Variants in ZNF215 observed in about 807,000 individuals in gnomAD.
The protein encoded by ZNF215 is zinc finger protein 215.
ZNF215 carries 24 observed loss-of-function variants against 27.2 expected under a neutral mutation model. The observed-to-expected ratio is 0.88, with a 90% confidence interval of 0.64 to 1.24. The LOEUF is 1.24. ZNF215 is among the 50% of genes most tolerant of loss of function. The pLI, the probability that ZNF215 is intolerant of heterozygous loss-of-function variation, is 0.00. For synonymous variants in ZNF215, 210 were observed against 204.0 expected, an observed-to-expected ratio of 1.03 and a Z score of -0.25; for missense variants, 675 against 605.7, an observed-to-expected ratio of 1.11 and a Z score of -1.20.
chr11:6,967,021 T>C (rs952556230), intron 5 of ZNF215, among the ~76,000 whole-genome samples: 27 of 152,106 alleles, frequency 1.8e-4, no homozygotes, highest in African/African-American at 6.5e-4. Flanking sequence ...CCATGTGTTC[T>C]CTTTGTTCAC....
At chr11:6,949,321 C>G (rs1189542905) in intron 6 of ZNF215, among the ~76,000 whole-genome samples, 2 of 152,168 alleles carry the variant, frequency 1.3e-5, no homozygotes, top group African/African-American at 4.8e-5. Context: ...GAGGAATCGC[C>G]ACACTAACTT....
intron 3 of ZNF215, among the ~76,000 whole-genome samples, chr11:6,933,663 C>T (rs191369316): frequency 9.7e-4 from 147 of 151,832 alleles, no homozygotes; most frequent in Non-Finnish European, 1.6e-3. Context: ...TGGTGGTGGG[C>T]GGGCACCTGT....
In ZNF215 at chr11:6,957,281, C is replaced by T; in HGVS notation, c.*750C>T. The T allele has an allele frequency of 2.8e-6, 2 of 718,750 alleles. No homozygotes were observed. The highest frequency in any genetic ancestry group is 6.3e-5 in the South Asian group (1 of 15,898). The allele number at this position is 718,750 out of a possible 1,614,324, so 44.5% of individuals were successfully genotyped here. A position where few individuals can be genotyped will look rare whatever the true frequency, so the allele number is the denominator to read the frequency against. Reference sequence around the variant, plus strand: ...AGCCAGGGACACTGTGTGGAGTTCGCACACTCTCCCTATGTCTCCGGGTGC... The same window carrying T: ...AGCCAGGGACACTGTGTGGAGTTCGTACACTCTCCCTATGTCTCCGGGTGC... On this transcript the variant is annotated 3_prime_UTR_variant, in exon 7 of 7. Transcript: ENST00000278319.
intron 3 of ZNF215, among the ~76,000 whole-genome samples, chr11:6,938,410 A>G (rs552291697): frequency 1.3e-5 from 2 of 152,224 alleles, no homozygotes; most frequent in Non-Finnish European, 2.9e-5. Context: ...GCCACTGTGA[A>G]AAACACTTTG....
chr11:6,953,208 A>G (rs1382394487), intron 6 of ZNF215, among the ~76,000 whole-genome samples: 4 of 151,966 alleles, frequency 2.6e-5, no homozygotes, highest in Admixed American at 1.3e-4. Context: ...TGACAATTGT[A>G]TGTCTTGGAG....
At chr11:6,968,412 C>T (rs914437100) in intron 5 of ZNF215, among the ~76,000 whole-genome samples, 1 of 152,058 alleles carries the variant, frequency 6.6e-6, no homozygotes, top group Non-Finnish European at 1.5e-5. Flanking sequence ...TCTTCCTATC[C>T]ATGAACTTGG....
rs1295914485 is a variant in ZNF215, at chr11:6,956,899, A to G, written c.*368A>G. 7 of 1,000,718 alleles carry G rather than the reference A, an allele frequency of 7.0e-6. No homozygotes were observed. In the South Asian group the frequency reaches 2.7e-4, roughly 38 times the overall value. The allele number at this position is 1,000,718 out of a possible 1,614,324, so 62.0% of individuals were successfully genotyped here. ...AAGTAGACATTAGGCAAAGCCAAAC[A>G]ATACTCTTGGAGTTGATATTTAATA... On this transcript the variant is annotated 3_prime_UTR_variant, in exon 7 of 7. Coordinates refer to ENST00000278319, the MANE Select transcript of ZNF215 (RefSeq NM_013250.4).
chr11:6,957,362 T>G lies in ZNF215; in HGVS notation c.*831T>G, dbSNP rs1292128910. On this transcript the variant is annotated 3_prime_UTR_variant, in exon 7 of 7. Transcript: ENST00000278319. Reference sequence around the variant, plus strand: ...TAGGTTAATTGACATATCTAAATTATCTCAGTCTGAGTTTGTGAGGAAGTG... The same window carrying G: ...TAGGTTAATTGACATATCTAAATTAGCTCAGTCTGAGTTTGTGAGGAAGTG... The G allele has an allele frequency of 9.4e-6, 2 of 213,272 alleles. No individual in the cohort carries two copies. The allele number at this position is 213,272 out of a possible 1,614,324, so 13.2% of individuals were successfully genotyped here.
intron 5 of ZNF215, among the ~76,000 whole-genome samples, chr11:6,971,444 C>T (rs1448474401): frequency 6.6e-6 from 1 of 152,098 alleles, no homozygotes; most frequent in Non-Finnish European, 1.5e-5. Context: ...TCCTCTATCT[C>T]CCTGAAGACA....
intron 5 of ZNF215, among the ~76,000 whole-genome samples, chr11:6,977,590 G>A (rs886356257): frequency 1.3e-5 from 2 of 151,918 alleles, no homozygotes; most frequent in African/African-American, 4.8e-5. Flanking sequence ...TGTAAGAAGA[G>A]GAGATTTGGA....
intron 3 of ZNF215, among the ~76,000 whole-genome samples, chr11:6,935,576 CAA>C (rs1237150782): frequency 2.0e-5 from 3 of 151,724 alleles, no homozygotes; most frequent in Non-Finnish European, 4.4e-5. Context: ...ATATATGAAG[CAA>C]ATACAGAAGT....
Position 6,955,918 on chromosome 11 carries a change from C to T in ZNF215, c.941C>T (p.Ser314Leu). ...AATAAGAAAAGCTTTGATATTAATTCAGTTAGCTCAATTTGTGCTATACAA... is the reference window on the plus strand; with the variant it reads ...AATAAGAAAAGCTTTGATATTAATTTAGTTAGCTCAATTTGTGCTATACAA... Reference protein sequence around the residue: ...SENKKSFDINSVSSICAIQVG... With the variant: ...SENKKSFDINLVSSICAIQVG... Residue 314 changes from serine to leucine, a missense_variant, in exon 7 of 7, where the codon TCA becomes TTA. Coordinates refer to ENST00000278319, the MANE Select transcript of ZNF215 (RefSeq NM_013250.4). The T allele has an allele frequency of 1.2e-6, 2 of 1,612,042 alleles. No homozygotes were observed. The highest frequency in any genetic ancestry group is 1.7e-6 in the Non-Finnish European group (2 of 1,179,436).
At chr11:6,966,127 C>A (rs1277698891) in intron 5 of ZNF215, among the ~76,000 whole-genome samples, 1 of 151,964 alleles carries the variant, frequency 6.6e-6, no homozygotes, top group Non-Finnish European at 1.5e-5. Flanking sequence ...CTTGAGTGAG[C>A]CTTAGCACTT....
At chr11:6,970,021 AC>A (rs1157141577) in intron 5 of ZNF215, among the ~76,000 whole-genome samples, 5 of 152,114 alleles carry the variant, frequency 3.3e-5, no homozygotes, top group Admixed American at 3.3e-4. Context: ...ACCTTAAGTG[AC>A]CCGCCTGCCT....
At chr11:6,958,341 C>G (rs1471521724), downstream of ZNF215, among the ~76,000 whole-genome samples, 1 of 152,166 alleles carries the variant, frequency 6.6e-6, no homozygotes, top group Non-Finnish European at 1.5e-5. Flanking sequence ...TATTTTCACT[C>G]TTTATCTTTT....
chr11:6,977,187 C>A (rs1053832507), intron 5 of ZNF215, among the ~76,000 whole-genome samples: 6 of 152,020 alleles, frequency 3.9e-5, no homozygotes, highest in African/African-American at 7.2e-5. Flanking sequence ...GTGTGGCCAA[C>A]CACAGTCTGA....
chr11:6,936,152 T>G (rs1849428711), intron 3 of ZNF215, among the ~76,000 whole-genome samples: 1 of 151,576 alleles, frequency 6.6e-6, no homozygotes, highest in Non-Finnish European at 1.5e-5. Context: ...AAATAAATAT[T>G]AGAACAAAGA....
chr11:6,988,139 T>C (rs1294922979), downstream of ZNF215: 1 of 963,450 alleles, frequency 1.0e-6, no homozygotes, highest in Non-Finnish European at 1.2e-6. Flanking sequence ...TTCATAATCA[T>C]AACCAATGCA....
downstream of ZNF215, among the ~76,000 whole-genome samples, chr11:6,987,430 C>T (rs779748837): frequency 6.6e-6 from 1 of 152,158 alleles, no homozygotes; most frequent in Non-Finnish European, 1.5e-5. Flanking sequence ...ACTATACTCA[C>T]TAACTGGATG....
Sources: gnomAD v4.1 joint callset for allele counts (sites outside exome capture counted in the v4.1 genomes callset) on GRCh38, gnomAD v4.1.1 for gene constraint, MANE v1.5 for transcripts, NCBI Gene and HGNC (gene_info 2026-07-23, HGNC 2026-07-21) for gene names.